GGT1: variants seen among roughly 807,000 people sequenced by gnomAD.
The protein encoded by GGT1 is glutathione hydrolase 1 proenzyme.
A neutral mutation model predicts 56.0 loss-of-function variants in GGT1; 21 were observed. That is an observed-to-expected ratio of 0.38 (90% confidence interval 0.27 to 0.54). The LOEUF is 0.54. Ranked by LOEUF, GGT1 falls within the 20% of genes least tolerant of loss-of-function variation. GGT1 has a pLI of 0.82. For missense variants in GGT1, 466 were observed against 787.0 expected, an observed-to-expected ratio of 0.59 and a Z score of 4.88; for synonymous variants, 238 against 342.6, an observed-to-expected ratio of 0.69 and a Z score of 3.37.
At chr22:24,586,363 G>GTCCACA in the GGT1 span, 1 of 1,613,858 alleles carries the variant, frequency 6.2e-7, no homozygotes, top group Non-Finnish European at 8.5e-7. Flanking sequence ...TGCCTGAGAG[G>GTCCACA]TCCACAGTCT....
At chr22:24,588,363 AG>A in the GGT1 span, 2 of 1,535,480 alleles carry the variant, frequency 1.3e-6, no homozygotes, top group Non-Finnish European at 1.8e-6. Flanking sequence ...GGTGAATCTG[AG>A]CCCCTCCTGC....
chr22:24,600,777 T>G (rs545713537), upstream of GGT1, among the ~76,000 whole-genome samples: 1 of 152,190 alleles, frequency 6.6e-6, no homozygotes, highest in African/African-American at 2.4e-5. Context: ...GGATCTGGAG[T>G]GGCCCCTGCT....
At chr22:24,605,772 A>T (rs867546177) in intron 1 of GGT1, among the ~76,000 whole-genome samples, 1 of 51,866 alleles carries the variant, frequency 1.9e-5, no homozygotes, top group Non-Finnish European at 2.8e-5. Flanking sequence ...AATATTATAT[A>T]ATGTGTATTA....
chr22:24,586,017 G>A, the GGT1 span: 3 of 1,611,008 alleles, frequency 1.9e-6, no homozygotes, highest in African/African-American at 2.7e-5. Flanking sequence ...ATGGTGGGGA[G>A]TGAGGTGCGC....
intron 11 of GGT1, among the ~76,000 whole-genome samples, chr22:24,626,502 T>A (rs1334866005): frequency 7.3e-5 from 11 of 149,834 alleles, no homozygotes; most frequent in African/African-American, 2.8e-4. Context: ...GCTTATTTAT[T>A]TATTTTTTTT....
the GGT1 span, among the ~76,000 whole-genome samples, chr22:24,587,492 C>T: frequency 6.6e-6 from 1 of 152,200 alleles, no homozygotes; most frequent in African/African-American, 2.4e-5. Context: ...CCAAGCTCAG[C>T]GTGGCCTATT....
upstream of GGT1, among the ~76,000 whole-genome samples, chr22:24,601,451 C>G (rs115821440): frequency 0.012 from 1,874 of 152,330 alleles, 34 homozygotes; most frequent in African/African-American, 0.043. Context: ...TCATGGGTCA[C>G]TCTCTTGCCG....
intron 1 of GGT1, among the ~76,000 whole-genome samples, chr22:24,596,059 G>A (rs1414688892): frequency 1.3e-5 from 2 of 152,196 alleles, no homozygotes; most frequent in African/African-American, 4.8e-5. Flanking sequence ...CTACAGGAAC[G>A]GGTTGTCAAC....
chr22:24,585,155 T>C, the GGT1 span, among the ~76,000 whole-genome samples: 1 of 151,952 alleles, frequency 6.6e-6, no homozygotes, highest in Non-Finnish European at 1.5e-5. Context: ...TGGGGCTGGG[T>C]CCTGAGGGTG....
intron 1 of GGT1, among the ~76,000 whole-genome samples, chr22:24,596,352 C>T (rs2045691612): frequency 6.6e-6 from 1 of 152,236 alleles, no homozygotes; most frequent in South Asian, 2.1e-4. Context: ...TTCCTTGTCT[C>T]TTCAGCTTCT....
At chr22:24,602,318 C>T (rs2045796927), upstream of GGT1, among the ~76,000 whole-genome samples, 2 of 152,184 alleles carry the variant, frequency 1.3e-5, no homozygotes, top group Admixed American at 1.3e-4. Context: ...CTGGGGTGAC[C>T]ATACTCTCAT....
At chr22:24,616,802 C>A (rs1411354741) in intron 7 of GGT1, among the ~76,000 whole-genome samples, 1 of 152,078 alleles carries the variant, frequency 6.6e-6, no homozygotes, top group Non-Finnish European at 1.5e-5. Context: ...GCCTCGGCCT[C>A]CCAAAGTGCT....
At chr22:24,611,275 C>T in intron 5 of GGT1, 30 bp downstream of exon 5, 3 of 1,394,354 alleles carry the variant, frequency 2.2e-6, no homozygotes, top group Non-Finnish European at 3.0e-6. Flanking sequence ...GGACATGGGC[C>T]CTGAAAACTG....
At chr22:24,586,693 G>C in the GGT1 span, among the ~76,000 whole-genome samples, 1 of 152,230 alleles carries the variant, frequency 6.6e-6, no homozygotes, top group African/African-American at 2.4e-5. Flanking sequence ...CACCACGCCT[G>C]GCTAATTTTG....
chr22:24,588,301 T>C, the GGT1 span: 2 of 1,613,410 alleles, frequency 1.2e-6, no homozygotes, highest in Non-Finnish European at 1.7e-6. Flanking sequence ...TCGGCAGATC[T>C]TGTCCGAGGA....
At chr22:24,612,708 G>A (rs1173231703) in intron 5 of GGT1, among the ~76,000 whole-genome samples, 1 of 152,044 alleles carries the variant, frequency 6.6e-6, no homozygotes, top group Non-Finnish European at 1.5e-5. Flanking sequence ...TGTATTTTTA[G>A]TAGAGACAGG....
chr22:24,590,306 A>G (rs148871679), upstream of GGT1, among the ~76,000 whole-genome samples: 1,051 of 152,144 alleles, frequency 6.9e-3, 17 homozygotes, highest in African/African-American at 0.024. Context: ...TAAAAAAAAA[A>G]TGTTTTGTAG....
Position 24,620,729 on chromosome 22 carries a change from T to A in GGT1, c.576-184T>A. 6.9e-7 allele frequency: 1 copy of A among 1,457,330 alleles called. No individual in the cohort carries two copies. The highest frequency in any genetic ancestry group is 9.1e-7 in the Non-Finnish European group (1 of 1,101,592). The allele number at this position is 1,457,330 out of a possible 1,614,324, so 90.3% of individuals were successfully genotyped here. Reference sequence around the variant, plus strand: ...ACTGTGGCTGGCCATGTGTCCTGAGTGGCAAGGGACACTAGGAAGCTCCCG... The same window carrying A: ...ACTGTGGCTGGCCATGTGTCCTGAGAGGCAAGGGACACTAGGAAGCTCCCG... On this transcript the variant is annotated intron_variant, in intron 8 of 15. Coordinates refer to ENST00000400382, the MANE Select transcript of GGT1 (RefSeq NM_001288833.2). This position sits in a 1 kb window ranked among gnomAD's most constrained non-coding sequence, Gnocchi z 5.6.
At chr22:24,591,482 C>T, upstream of GGT1, among the ~76,000 whole-genome samples, 1 of 152,204 alleles carries the variant, frequency 6.6e-6, no homozygotes, top group Non-Finnish European at 1.5e-5. Context: ...AGGTGATATG[C>T]TCTGTGCGTG....
Sources: allele counts gnomAD v4.1 joint callset (sites outside exome capture counted in the v4.1 genomes callset), GRCh38; gene constraint gnomAD v4.1.1; non-coding constraint Gnocchi (gnomAD v3.1); transcripts MANE v1.5; gene names NCBI Gene and HGNC (gene_info 2026-07-23, HGNC 2026-07-21).